CDK14: variants seen among roughly 807,000 people sequenced by gnomAD.
The protein encoded by CDK14 is cyclin dependent kinase 14.
A neutral mutation model predicts 60.7 loss-of-function variants in CDK14; 34 were observed. The ratio of observed to expected loss-of-function variants is 0.56; its 90% confidence interval spans 0.43 to 0.75. The LOEUF is 0.75. Among genes scored for constraint, CDK14 ranks in the 30% least tolerant of loss-of-function variants. CDK14 has a pLI of 0.00. For missense variants in CDK14, 482 were observed against 564.1 expected, an observed-to-expected ratio of 0.85 and a Z score of 1.47; for synonymous variants, 197 against 203.7, an observed-to-expected ratio of 0.97 and a Z score of 0.28.
intron 4 of CDK14, among the ~76,000 whole-genome samples, chr7:90,775,604 A>G (rs1804992065): frequency 8.7e-6 from 1 of 115,526 alleles, no homozygotes; most frequent in African/African-American, 3.3e-5. Flanking sequence ...GGACCAGAGA[A>G]AAACGAAAAT....
intron 2 of CDK14, among the ~76,000 whole-genome samples, chr7:90,615,037 A>G (rs569136744): frequency 1.2e-4 from 18 of 152,306 alleles, no homozygotes; most frequent in Non-Finnish European, 2.4e-4. Context: ...TTAATTTTTT[A>G]ATAATGAAAT....
chr7:91,054,814 C>A (rs1797504858), intron 11 of CDK14, among the ~76,000 whole-genome samples: 1 of 152,156 alleles, frequency 6.6e-6, no homozygotes, highest in Admixed American at 6.5e-5. Flanking sequence ...CTTACCATGC[C>A]TGTGAGCACA....
At chr7:90,673,870 T>G (rs1163160791) in intron 2 of CDK14, among the ~76,000 whole-genome samples, 2 of 152,198 alleles carry the variant, frequency 1.3e-5, no homozygotes, top group East Asian at 3.9e-4. Context: ...CTCCACTGAC[T>G]TGTATCAAGG....
At chr7:91,038,357 T>C (rs942294973) in intron 10 of CDK14, among the ~76,000 whole-genome samples, 1 of 152,184 alleles carries the variant, frequency 6.6e-6, no homozygotes, top group Admixed American at 6.5e-5. Context: ...AAAAGGAATA[T>C]AAAGTAAACA....
chr7:90,809,367 G>T lies in CDK14; in HGVS notation c.544+18715G>T, dbSNP rs190453896. On this transcript the variant is annotated intron_variant, in intron 5 of 14. Transcript: ENST00000380050. ...GAAACTGAACAACCTGCTCCCGAATGACTGCTGGGTACATAACAAAATGAA... is the reference window on the plus strand; with the variant it reads ...GAAACTGAACAACCTGCTCCCGAATTACTGCTGGGTACATAACAAAATGAA... Among the ~76,000 whole-genome samples the T allele has an allele frequency of 2.5e-3, 383 of 152,222 alleles. 4 individuals are homozygous for T. Among genetic ancestry groups the T allele is most frequent in the African/African-American group, 8.7e-3 (362 of 41,530 alleles).
intron 2 of CDK14, among the ~76,000 whole-genome samples, chr7:90,654,599 TC>T (rs781598344): frequency 5.9e-5 from 9 of 152,158 alleles, no homozygotes; most frequent in African/African-American, 9.7e-5. Context: ...TGATGGATGT[TC>T]CAGGATTTAA....
chr7:91,086,752 G>T (rs1798654167), intron 12 of CDK14, among the ~76,000 whole-genome samples: 1 of 152,056 alleles, frequency 6.6e-6, no homozygotes, highest in Non-Finnish European at 1.5e-5. Flanking sequence ...AGCATGAACA[G>T]AAATGCAGTC....
intron 6 of CDK14, among the ~76,000 whole-genome samples, chr7:90,897,858 A>G (rs1792386210): frequency 6.6e-6 from 1 of 151,986 alleles, no homozygotes; most frequent in Non-Finnish European, 1.5e-5. Context: ...TTTGTCTGAC[A>G]TTTTGCCTGG....
At chr7:90,682,988 T>C (rs928595894) in intron 2 of CDK14, among the ~76,000 whole-genome samples, 1 of 152,220 alleles carries the variant, frequency 6.6e-6, no homozygotes, top group Non-Finnish European at 1.5e-5. Flanking sequence ...CTAATTTTGA[T>C]CATCTAGTCA....
chr7:90,743,621 A>C (rs1803445088), intron 3 of CDK14, among the ~76,000 whole-genome samples: 1 of 151,482 alleles, frequency 6.6e-6, no homozygotes, highest in South Asian at 2.1e-4. Context: ...CTTCTTTCTC[A>C]CTTTATTGCT....
chr7:91,152,800 T>G (rs531325893), intron 14 of CDK14, among the ~76,000 whole-genome samples: 1 of 152,304 alleles, frequency 6.6e-6, no homozygotes, highest in Admixed American at 6.5e-5. Flanking sequence ...ATGTCAGCAT[T>G]AAAACTCTAG....
Position 90,604,148 on chromosome 7 carries a change from C to A in CDK14, c.92-70C>A. The A allele has an allele frequency of 4.0e-6, 4 of 992,802 alleles. No individual in the cohort carries two copies. In the South Asian group the frequency reaches 4.8e-5, roughly 12 times the overall value. The allele number at this position is 992,802 out of a possible 1,614,324, so 61.5% of individuals were successfully genotyped here. ...ACACCATACTGCCTTGTTTTTTTTT[C>A]TGTTTTCTATAACTTAGTCTCTTTG... On this transcript the variant is annotated intron_variant, in intron 1 of 14. Coordinates refer to ENST00000380050, the MANE Select transcript of CDK14 (RefSeq NM_001287135.2).
At chr7:91,130,843 A>G (rs994532984) in intron 14 of CDK14, among the ~76,000 whole-genome samples, 1 of 152,160 alleles carries the variant, frequency 6.6e-6, no homozygotes, top group Non-Finnish European at 1.5e-5. Context: ...GCCTCTGGCC[A>G]TATGATACTA....
intron 12 of CDK14, among the ~76,000 whole-genome samples, chr7:91,094,833 C>A (rs961759469): frequency 3.3e-5 from 5 of 152,124 alleles, no homozygotes; most frequent in Non-Finnish European, 5.9e-5. Flanking sequence ...ATCAGACTAC[C>A]CTTCATTAGC....
intron 3 of CDK14, among the ~76,000 whole-genome samples, chr7:90,737,492 G>C (rs558782192): frequency 6.6e-6 from 1 of 152,098 alleles, no homozygotes; most frequent in South Asian, 2.1e-4. Flanking sequence ...TCATCTTGGC[G>C]TTACTTCCTC....
chr7:90,940,796 AGT>A (rs1246828414), intron 8 of CDK14, among the ~76,000 whole-genome samples: 4 of 152,028 alleles, frequency 2.6e-5, no homozygotes, highest in Admixed American at 1.3e-4. Flanking sequence ...AAAAAAAAAA[AGT>A]GTATATCTAT....
At chr7:90,889,082 C>T (rs896501361) in intron 6 of CDK14, among the ~76,000 whole-genome samples, 4 of 152,188 alleles carry the variant, frequency 2.6e-5, no homozygotes, top group South Asian at 4.1e-4. Flanking sequence ...CAAAACTATA[C>T]ACTGAGTTTA....
chr7:90,616,244 A>G (rs2116356183), intron 2 of CDK14, among the ~76,000 whole-genome samples: 1 of 152,344 alleles, frequency 6.6e-6, no homozygotes, highest in Admixed American at 6.5e-5. Context: ...ATAACAGAGA[A>G]AAATGAGTGA....
intron 2 of CDK14, among the ~76,000 whole-genome samples, chr7:90,621,687 G>GCCTTCCTTCCTT (rs1349799923): frequency 1.5e-5 from 2 of 132,518 alleles, no homozygotes; most frequent in Middle Eastern, 3.7e-3. Context: ...CTGCCTTCCT[G>GCCTTCCTTCCTT]CCTTCCTTCC....
Sources: allele counts gnomAD v4.1 joint callset (sites outside exome capture counted in the v4.1 genomes callset), GRCh38; gene constraint gnomAD v4.1.1; transcripts MANE v1.5; gene names NCBI Gene and HGNC (gene_info 2026-07-23, HGNC 2026-07-21).